Variants in P2RX1 observed in about 807,000 individuals in gnomAD.
P2RX1 encodes purinergic receptor P2X 1, also known as P2X purinoceptor 1.
In P2RX1, 42 loss-of-function variants were observed where a neutral mutation model predicts 50.3. The observed-to-expected ratio is 0.83, with a 90% CI of 0.65 to 1.08. The LOEUF (loss-of-function observed/expected upper bound fraction) is 1.08. P2RX1 is among the 50% of genes least tolerant of loss of function. The pLI is 0.00. For missense variants in P2RX1, 449 were observed against 529.0 expected (o/e 0.85, Z 1.48); for synonymous variants, 199 against 202.6 (o/e 0.98, Z 0.15).
intron 1 of P2RX1, chr17:3,915,652 G>A: frequency 2.2e-6 from 1 of 459,308 alleles, no homozygotes; most frequent in Non-Finnish European, 4.4e-6. Context: ...AGGCAGGGAA[G>A]CTGGCAGCAG....
In P2RX1 at chr17:3,902,792, GA is replaced by G. The variant is rs544581420; in HGVS notation, c.747+409del. ...CTGGCTAATTTTTGTATTTTTAGTAGAGAAGGAGATTTCACCATGTTGGCCA... is the reference window on the plus strand; with the variant it reads ...CTGGCTAATTTTTGTATTTTTAGTAGGAAGGAGATTTCACCATGTTGGCCA... On this transcript the variant is annotated intron_variant, in intron 7 of 11. Coordinates refer to ENST00000225538, the MANE Select transcript of P2RX1 (RefSeq NM_002558.4). Among the ~76,000 whole-genome samples the G allele has an allele frequency of 1.3e-4, 20 of 151,404 alleles. No homozygotes were observed. The East Asian group carries it at 3.9e-3, about 30-fold the overall frequency.
Position 3,904,385 on chromosome 17 carries a change from GC to G in P2RX1, c.371del (p.Gly124AlafsTer33). On this transcript the variant is annotated frameshift_variant, in exon 4 of 12. Transcript: ENST00000225538. LOFTEE classifies it high-confidence loss of function. Reference sequence around the variant, plus strand: ...TACAGCCACTGTCTTCCTTGCATATGCCCCCTTCTGGGTGCTGGGGGAGGCA... The same window carrying G: ...TACAGCCACTGTCTTCCTTGCATATGCCCCTTCTGGGTGCTGGGGGAGGCA... ...QGYCAEHPEG[G>X]ICKEDSGCTP... is the part of the protein sequence containing the mutation. 1 of 1,613,892 alleles carries G rather than the reference GC, an allele frequency of 6.2e-7. No homozygotes were observed. Among genetic ancestry groups the G allele is most frequent in the Non-Finnish European group, 8.5e-7 (1 of 1,179,914 alleles).
Position 3,897,512 on chromosome 17 carries a change from G to A in P2RX1, c.*302C>T, listed in dbSNP as rs73322972. ...GCAGCGGGTTGGATAATGAGAGTCC[G>A]GAGAGAGAAGCACGAAGCTAGGGTG... On this transcript the variant is annotated 3_prime_UTR_variant, in exon 12 of 12. Coordinates refer to ENST00000225538, the MANE Select transcript of P2RX1 (RefSeq NM_002558.4). 5.0e-3 allele frequency: 2,623 copies of A among 522,592 alleles called. 54 individuals carry two copies. Among genetic ancestry groups the A allele is most frequent in the African/African-American group, 0.044 (2,286 of 52,504 alleles). The allele number at this position is 522,592 out of a possible 1,614,324, so 32.4% of individuals were successfully genotyped here. A position where few individuals can be genotyped will look rare whatever the true frequency, so the allele number is the denominator to read the frequency against.
At chr17:3,913,350 C>T (rs2056396328) in intron 1 of P2RX1, among the ~76,000 whole-genome samples, 1 of 152,180 alleles carries the variant, frequency 6.6e-6, no homozygotes, top group Non-Finnish European at 1.5e-5. Context: ...TGATCTCAAA[C>T]TCCTGACCTC....
intron 3 of P2RX1, 74 bp from the exon 4 acceptor site, chr17:3,904,473 C>T: frequency 8.2e-6 from 11 of 1,347,592 alleles, no homozygotes; most frequent in Non-Finnish European, 1.2e-5. Flanking sequence ...CCCCACCCCC[C>T]AGGGCCCTAG....
intron 10 of P2RX1, 74 bp from the exon 11 acceptor site, chr17:3,898,184 A>C: frequency 1.6e-6 from 2 of 1,280,788 alleles, no homozygotes; most frequent in South Asian, 1.2e-5. Context: ...ATCCCACCTC[A>C]GTCCCTGGTG....
At chr17:3,904,503 C>G (rs1468284612) in intron 3 of P2RX1, 104 bp from the exon 4 acceptor site, 2 of 974,036 alleles carry the variant, frequency 2.1e-6, no homozygotes, top group Admixed American at 2.0e-5. Flanking sequence ...GGGGCAGAGT[C>G]TCAGACCTCT....
Position 3,899,635 on chromosome 17 carries a change from T to G in P2RX1, c.874A>C (p.Arg292=). The change falls in exon 8 of 12, where the codon AGG becomes CGG. Residue 292 remains arginine (R), a splice_region_variant and synonymous_variant. Coordinates refer to ENST00000225538, the MANE Select transcript of P2RX1 (RefSeq NM_002558.4). ...TGCTGCTGGGGGCCTGGCAGACACC[T>G]GAAGTTGAAGCCTGGGGAGAGATTT... ...EKNLSPGFNF[R]FARHFVENGT... is the part of the protein sequence containing the mutation. 1 of 1,612,990 alleles carries G rather than the reference T, an allele frequency of 6.2e-7. No homozygotes were observed. Among genetic ancestry groups the G allele is most frequent in the South Asian group, 1.1e-5 (1 of 91,058 alleles).
Position 3,904,043 on chromosome 17 carries a change from C to T in P2RX1, c.428-19G>A. 1.2e-6 allele frequency: 2 copies of T among 1,603,024 alleles called. No individual in the cohort carries two copies. Among genetic ancestry groups the T allele is most frequent in the Middle Eastern group, 1.7e-4 (1 of 6,036 alleles). The stretch of plus-strand genomic sequence containing the variant: ...CGGATGCCTGGAGCCAGAGGGAAAC[C>T]CCTGGGTGCCTGCACTAAACAGAGG... On this transcript the variant is annotated intron_variant, in intron 4 of 11. Coordinates refer to ENST00000225538, the MANE Select transcript of P2RX1 (RefSeq NM_002558.4).
chr17:3,904,064 A>G (rs2056209205), intron 4 of P2RX1, 40 bp from the exon 5 acceptor site: 1 of 1,520,974 alleles, frequency 6.6e-7, no homozygotes, highest in Non-Finnish European at 9.1e-7. Flanking sequence ...TGCACTAAAC[A>G]GAGGAGGCCG....
Position 3,896,852 on chromosome 17 carries a change from G to C in P2RX1, c.*962C>G, listed in dbSNP as rs1193728560. Reference sequence around the variant, plus strand: ...CCATGTGTGTGTGCTTGGGGGTGTAGATGTGTGTAGATGGTTGTGTTTGCA... The same window carrying C: ...CCATGTGTGTGTGCTTGGGGGTGTACATGTGTGTAGATGGTTGTGTTTGCA... On this transcript the variant is annotated 3_prime_UTR_variant, in exon 12 of 12. Coordinates refer to ENST00000225538, the MANE Select transcript of P2RX1 (RefSeq NM_002558.4). 6.6e-6 allele frequency: 1 copy of C among 152,374 alleles called. No individual in the cohort carries two copies. Among genetic ancestry groups the C allele is most frequent in the Non-Finnish European group, 1.5e-5 (1 of 68,140 alleles). The allele number at this position is 152,374 out of a possible 1,614,324, so 9.4% of individuals were successfully genotyped here.
chr17:3,916,011 C>T, intron 1 of P2RX1, 78 bp downstream of exon 1: 1 of 1,538,052 alleles, frequency 6.5e-7, no homozygotes, highest in Non-Finnish European at 8.9e-7. Context: ...TCGCTGGTGT[C>T]ACGCAAGGGA....
chr17:3,898,553 G>T lies in P2RX1; in HGVS notation c.967-4C>A, dbSNP rs199689368. 1 of 1,612,954 alleles carries T rather than the reference G, an allele frequency of 6.2e-7. No individual in the cohort carries two copies. The highest frequency in any genetic ancestry group is 8.5e-7 in the Non-Finnish European group (1 of 1,178,946). On this transcript the variant is annotated splice_region_variant and splice_polypyrimidine_tract_variant and intron_variant, in intron 9 of 11. Coordinates refer to ENST00000225538, the MANE Select transcript of P2RX1 (RefSeq NM_002558.4). ...GGATGATGTCAAACTTCCCGGCCTG[G>T]TGGCAGGACCCAGGGAGAGAAGGGC...
At chr17:3,910,577 C>A (rs73328935) in intron 1 of P2RX1, among the ~76,000 whole-genome samples, 1 of 152,178 alleles carries the variant, frequency 6.6e-6, no homozygotes, top group Non-Finnish European at 1.5e-5. Flanking sequence ...GGGACAGGTG[C>A]GGGGGCAGCT....
chr17:3,904,974 G>A (rs991122156), intron 2 of P2RX1, 45 bp from the exon 3 acceptor site: 4 of 1,280,106 alleles, frequency 3.1e-6, no homozygotes, highest in African/African-American at 1.5e-5. Context: ...CTGGGAGCTG[G>A]GAGAAGAGCC....
chr17:3,908,108 C>T (rs999786361), intron 1 of P2RX1, among the ~76,000 whole-genome samples: 1 of 152,330 alleles, frequency 6.6e-6, no homozygotes, highest in Non-Finnish European at 1.5e-5. Flanking sequence ...CTGAGCAACA[C>T]TGGCTTCGAC....
intron 7 of P2RX1, among the ~76,000 whole-genome samples, chr17:3,902,722 C>T (rs1254112730): frequency 6.6e-6 from 1 of 151,878 alleles, no homozygotes; most frequent in Admixed American, 6.6e-5. Context: ...ATTCTCCTGC[C>T]TCAGCCTCCC....
At chr17:3,904,184 G>A (rs2056212357) in intron 4 of P2RX1, 146 bp downstream of exon 4, 15 of 991,118 alleles carry the variant, frequency 1.5e-5, no homozygotes, top group Non-Finnish European at 2.4e-5. Flanking sequence ...GGGCGGAGGA[G>A]GGGAGACGGC....
chr17:3,904,223 C>T (rs752578982), intron 4 of P2RX1, 107 bp downstream of exon 4: 25 of 1,222,766 alleles, frequency 2.0e-5, no homozygotes, highest in East Asian at 1.9e-4. Flanking sequence ...GAGGCCGCCT[C>T]GGCGGGAGGG....
Sources: gnomAD v4.1 joint callset for allele counts (sites outside exome capture counted in the v4.1 genomes callset) on GRCh38, gnomAD v4.1.1 for gene constraint, MANE v1.5 for transcripts, NCBI Gene and HGNC (gene_info 2026-07-23, HGNC 2026-07-21) for gene names.